Variants in HS3ST5 observed in about 807,000 individuals in gnomAD.
The protein encoded by HS3ST5 is heparan sulfate-glucosamine 3-sulfotransferase 5.
Under a neutral mutation model 25.4 loss-of-function variants are expected in HS3ST5, and 10 were observed. The observed-to-expected ratio is 0.39, with a 90% confidence interval of 0.24 to 0.67. The LOEUF (loss-of-function observed/expected upper bound fraction) is 0.67. HS3ST5 is among the 30% of genes least tolerant of loss of function. HS3ST5 has a pLI of 0.44. For synonymous variants in HS3ST5, 170 were observed against 162.4 expected, an observed-to-expected ratio of 1.05 and a Z score of -0.36; for missense variants, 324 against 420.7, an observed-to-expected ratio of 0.77 and a Z score of 2.01.
At chr6:114,257,545 G>C (rs1772985347) in intron 1 of HS3ST5, among the ~76,000 whole-genome samples, 1 of 152,150 alleles carries the variant, frequency 6.6e-6, no homozygotes, top group Admixed American at 6.5e-5. Context: ...ACTCCTGTTA[G>C]ATAACAGGCT....
intron 1 of HS3ST5, among the ~76,000 whole-genome samples, chr6:114,245,489 A>G (rs2114604119): frequency 6.6e-6 from 1 of 152,240 alleles, no homozygotes; most frequent in South Asian, 2.1e-4. Flanking sequence ...ATGGATTGTC[A>G]CACTGGAACA....
intron 3 of HS3ST5, among the ~76,000 whole-genome samples, chr6:114,136,707 T>C (rs1209117075): frequency 2.0e-5 from 3 of 152,352 alleles, no homozygotes; most frequent in Non-Finnish European, 2.9e-5. Flanking sequence ...CAGAATACTA[T>C]TCAAGGAACT....
At position 114,231,257 on chromosome 6, in the gene HS3ST5, T is replaced by A. The variant is rs115510550; in HGVS notation, c.-338-2479A>T. ...CTCATTTTGTAAATAGCACTATCAG[T>A]CATCAGCTGAATAAGCCAAAAACCA... On this transcript the variant is annotated intron_variant, in intron 1 of 4. Coordinates refer to ENST00000312719, the MANE Select transcript of HS3ST5 (RefSeq NM_153612.4). The A allele has an allele frequency of 5.7e-3, 866 of 152,248 alleles. 7 individuals are homozygous for A. The highest frequency in any genetic ancestry group is 0.02 in the African/African-American group (834 of 41,528). The allele number at this position is 152,248 out of a possible 1,614,324, so 9.4% of individuals were successfully genotyped here. A position where few individuals can be genotyped will look rare whatever the true frequency, so the allele number is the denominator to read the frequency against.
intron 3 of HS3ST5, among the ~76,000 whole-genome samples, chr6:114,145,066 T>C (rs1364677118): frequency 6.6e-6 from 1 of 152,212 alleles, no homozygotes; most frequent in Non-Finnish European, 1.5e-5. Context: ...CCACTCTCTG[T>C]TGATTTTTGC....
intron 1 of HS3ST5, among the ~76,000 whole-genome samples, chr6:114,287,765 G>A (rs778749697): frequency 6.6e-6 from 1 of 151,808 alleles, no homozygotes; most frequent in Non-Finnish European, 1.5e-5. Context: ...TAGCAGAACC[G>A]ACCAATGGTC....
intron 3 of HS3ST5, among the ~76,000 whole-genome samples, chr6:114,113,637 G>T (rs372770013): frequency 7.9e-5 from 12 of 151,830 alleles, no homozygotes; most frequent in Admixed American, 4.6e-4. Context: ...TACTCATAGC[G>T]TATATCAGTA....
At chr6:114,083,610 C>T (rs957770914) in intron 3 of HS3ST5, among the ~76,000 whole-genome samples, 1 of 152,154 alleles carries the variant, frequency 6.6e-6, no homozygotes, top group Non-Finnish European at 1.5e-5. Context: ...TCACTTTTTC[C>T]ACTTTTAAGA....
chr6:114,258,906 G>A (rs1361872943), intron 1 of HS3ST5, among the ~76,000 whole-genome samples: 1 of 152,136 alleles, frequency 6.6e-6, no homozygotes, highest in East Asian at 1.9e-4. Context: ...CATGGAGTTT[G>A]AAGAGGAGAT....
chr6:114,194,885 T>C (rs976555438), intron 2 of HS3ST5, among the ~76,000 whole-genome samples: 1 of 152,226 alleles, frequency 6.6e-6, no homozygotes, highest in African/African-American at 2.4e-5. Context: ...CAAAGCAGTC[T>C]GTTTCTGGCA....
chr6:114,147,479 CAGA>C (rs2114950958), intron 3 of HS3ST5, among the ~76,000 whole-genome samples: 1 of 152,284 alleles, frequency 6.6e-6, no homozygotes, highest in South Asian at 2.1e-4. Flanking sequence ...GATTGAAACA[CAGA>C]AGAATAGGGT....
intron 1 of HS3ST5, among the ~76,000 whole-genome samples, chr6:114,341,191 AGGGAGAGGGAGAGGGAATAGGGAGAGAGG>A (rs1776827798): frequency 8.4e-5 from 11 of 130,866 alleles, no homozygotes; most frequent in Admixed American, 6.9e-4. Context: ...GGAGAGGGAG[AGGGAGAGGGAGAGGGAATAGGGAGAGAGG>A]GGGAGAGAGA....
intron 2 of HS3ST5, among the ~76,000 whole-genome samples, chr6:114,198,170 C>T (rs963290747): frequency 6.6e-6 from 1 of 151,694 alleles, no homozygotes; most frequent in Non-Finnish European, 1.5e-5. Context: ...CAGACTAGGC[C>T]AAGCAGAAGA....
intron 4 of HS3ST5, 148 bp downstream of exon 4, chr6:114,062,591 G>C (rs1773194539): frequency 3.3e-6 from 2 of 605,550 alleles, no homozygotes; most frequent in Non-Finnish European, 5.9e-6. Flanking sequence ...TAAAGGCTCA[G>C]TAAATCAAAA....
At chr6:114,205,248 C>T (rs1781219605) in intron 2 of HS3ST5, among the ~76,000 whole-genome samples, 1 of 152,146 alleles carries the variant, frequency 6.6e-6, no homozygotes, top group Non-Finnish European at 1.5e-5. Context: ...GACTTGGTTA[C>T]AAATTTAGAG....
At chr6:114,090,758 C>A (rs1269253998) in intron 3 of HS3ST5, among the ~76,000 whole-genome samples, 1 of 152,180 alleles carries the variant, frequency 6.6e-6, no homozygotes, top group Non-Finnish European at 1.5e-5. Context: ...ATGAGTGTAT[C>A]TTAATGGAAG....
chr6:114,325,509 A>T lies in HS3ST5; in HGVS notation c.-339+16686T>A, dbSNP rs140051291. ...TAGATTTGGGATATAACTGTTGAAC[A>T]TGTGAAACATACATAGAGATGAAGA... On this transcript the variant is annotated intron_variant, in intron 1 of 4. Transcript: ENST00000312719. Among the ~76,000 whole-genome samples, 76 of 152,298 alleles carry T rather than the reference A, an allele frequency of 5.0e-4. No individual in the cohort carries two copies. In the East Asian group the frequency reaches 0.013, roughly 27 times the overall value.
intron 3 of HS3ST5, among the ~76,000 whole-genome samples, chr6:114,123,580 C>A (rs1776896536): frequency 6.6e-6 from 1 of 152,178 alleles, no homozygotes; most frequent in South Asian, 2.1e-4. Flanking sequence ...AACATAAGGT[C>A]TCCTTTCCAA....
chr6:114,262,696 G>A (rs140290148), intron 1 of HS3ST5, among the ~76,000 whole-genome samples: 230 of 151,880 alleles, frequency 1.5e-3, no homozygotes, highest in African/African-American at 5.0e-3. Context: ...CTTTAAAAAT[G>A]TATTAATAAA....
intron 1 of HS3ST5, among the ~76,000 whole-genome samples, chr6:114,246,713 C>T (rs1033333275): frequency 4.6e-5 from 7 of 152,132 alleles, no homozygotes; most frequent in Admixed American, 2.6e-4. Context: ...TATATTGGCG[C>T]GTTTGTTTAG....
Sources: allele counts gnomAD v4.1 joint callset (sites outside exome capture counted in the v4.1 genomes callset), GRCh38; gene constraint gnomAD v4.1.1; transcripts MANE v1.5; gene names NCBI Gene and HGNC (gene_info 2026-07-23, HGNC 2026-07-21).